DOCK7: variants seen among roughly 807,000 people sequenced by gnomAD.
DOCK7 encodes the protein dedicator of cytokinesis 7.
DOCK7 carries 138 observed loss-of-function variants against 271.0 expected under a neutral mutation model. The observed-to-expected ratio is 0.51, with a 90% CI of 0.44 to 0.59. The LOEUF is 0.59. Among genes scored for constraint, DOCK7 ranks in the 20% least tolerant of loss-of-function variants. The probability of loss-of-function intolerance (pLI) is 0.00; values close to 1 mark genes in which losing one functional copy is unlikely to be tolerated. For synonymous variants in DOCK7, 823 were observed against 876.1 expected, an observed-to-expected ratio of 0.94 and a Z score of 1.07; for missense variants, 2,066 against 2,592.4, an observed-to-expected ratio of 0.80 and a Z score of 4.41.
At position 62,529,259 on chromosome 1, in the gene DOCK7, C is replaced by G; in HGVS notation, c.3781+18G>C. The G allele has an allele frequency of 6.4e-7, 1 of 1,556,358 alleles. No homozygotes were observed. Among genetic ancestry groups the G allele is most frequent in the Non-Finnish European group, 8.7e-7 (1 of 1,154,804 alleles). ...ATTGAGCTTTGCCTTTAATATTTGC[C>G]TTAATTATACTAGGTACCTGTAAAA... On this transcript the variant is annotated intron_variant, in intron 30 of 49. Transcript: ENST00000635253.
chr1:62,597,837 G>A (rs1279707734), intron 14 of DOCK7: 2 of 1,605,026 alleles, frequency 1.2e-6, no homozygotes, highest in South Asian at 1.1e-5. Flanking sequence ...GCAAACCAGT[G>A]AAATCAAAGA....
chr1:62,513,373 G>A (rs963719408), intron 33 of DOCK7, 71 bp downstream of exon 33: 1 of 1,416,016 alleles, frequency 7.1e-7, no homozygotes, highest in Non-Finnish European at 9.4e-7. Context: ...AAAAAGCATA[G>A]GATTGACATT....
intron 1 of DOCK7, among the ~76,000 whole-genome samples, chr1:62,664,802 T>G (rs1038995029): frequency 2.7e-5 from 4 of 145,820 alleles, no homozygotes; most frequent in Non-Finnish European, 4.5e-5. Flanking sequence ...AAAAAAAAGT[T>G]AACGACAAGG....
chr1:62,557,444 T>C (rs1383512718), intron 20 of DOCK7, among the ~76,000 whole-genome samples: 1 of 151,548 alleles, frequency 6.6e-6, no homozygotes, highest in Non-Finnish European at 1.5e-5. Flanking sequence ...TCCACTCTTT[T>C]GCCCTACTCA....
intron 1 of DOCK7, among the ~76,000 whole-genome samples, chr1:62,669,115 T>C (rs769625453): frequency 6.6e-6 from 1 of 152,192 alleles, no homozygotes; most frequent in Admixed American, 6.5e-5. Context: ...CTCCTCCCTA[T>C]ACTTTCAAAG....
At position 62,513,732 on chromosome 1, in the gene DOCK7, G is replaced by T; in HGVS notation, c.4103C>A (p.Ser1368Tyr). 1.2e-6 allele frequency: 2 copies of T among 1,613,974 alleles called. No individual in the cohort carries two copies. Among genetic ancestry groups the T allele is most frequent in the Non-Finnish European group, 1.7e-6 (2 of 1,179,968 alleles). ...ACCACTTACTTTATACTCAAAGCAA[G>T]ACACACAGAGATAAAGCAGATCTAA... ...RLLDLLYLCV[S>Y]CFEYKGKKVF... The change falls in exon 32 of 50, where the codon TCT (serine) becomes TAT (tyrosine). Residue 1368 changes from serine (S) to tyrosine (Y), a missense_variant. Transcript: ENST00000635253.
At chr1:62,663,584 A>C (rs911072740) in intron 1 of DOCK7, among the ~76,000 whole-genome samples, 2 of 152,216 alleles carry the variant, frequency 1.3e-5, no homozygotes, top group Non-Finnish European at 2.9e-5. Context: ...CAAGCTAATG[A>C]TTTAATTCAG....
At chr1:62,672,042 GA>G (rs1358149335) in intron 1 of DOCK7, among the ~76,000 whole-genome samples, 3 of 150,544 alleles carry the variant, frequency 2.0e-5, no homozygotes, top group Non-Finnish European at 4.4e-5. Flanking sequence ...AACTTAGGAA[GA>G]AAAAATTTCA....
chr1:62,586,842 A>T (rs892986731), intron 14 of DOCK7, among the ~76,000 whole-genome samples: 1 of 152,170 alleles, frequency 6.6e-6, no homozygotes, highest in African/African-American at 2.4e-5. Flanking sequence ...ATAAATTGAG[A>T]TTCAGAAAAG....
chr1:62,542,757 A>T, intron 24 of DOCK7, 54 bp from the exon 25 acceptor site: 1 of 1,505,718 alleles, frequency 6.6e-7, no homozygotes, highest in Non-Finnish European at 9.2e-7. Flanking sequence ...CTGATAACAT[A>T]AACCAAATCA....
chr1:62,506,511 C>T (rs1646941084), intron 35 of DOCK7, among the ~76,000 whole-genome samples: 1 of 151,786 alleles, frequency 6.6e-6, no homozygotes, highest in Non-Finnish European at 1.5e-5. Flanking sequence ...CACTCTGTCA[C>T]CCAGGCTGAA....
Position 62,513,861 on chromosome 1 carries a change from C to T in DOCK7, c.3974G>A (p.Ser1325Asn). The T allele has an allele frequency of 2.5e-6, 4 of 1,613,954 alleles. No individual in the cohort carries two copies. The highest frequency in any genetic ancestry group is 3.4e-6 in the Non-Finnish European group (4 of 1,179,930). The change falls in exon 32 of 50, where the codon AGT (serine) becomes AAT (asparagine). Residue 1325 changes from serine to asparagine, a missense_variant. Ser to Asn is a conservative substitution (Grantham distance 46, BLOSUM62 1). This residue lies in a region of DOCK7 where 1,414 missense variants were observed against 1,670.4 expected (regional missense o/e 0.85). Coordinates refer to ENST00000635253, the MANE Select transcript of DOCK7 (RefSeq NM_001367561.1). ...RQHTTFSAESSRSLLICLLWV... is the reference protein window; with the variant it reads ...RQHTTFSAESNRSLLICLLWV... Reference sequence around the variant, plus strand: ...AAGTAGACAGATCAAAAGGCTTCGACTTGATTCTGCTGAAAAGGTAGTGTG... The same window carrying T: ...AAGTAGACAGATCAAAAGGCTTCGATTTGATTCTGCTGAAAAGGTAGTGTG...
At chr1:62,598,570 G>C in intron 14 of DOCK7, 1 of 667,242 alleles carries the variant, frequency 1.5e-6, no homozygotes, top group South Asian at 1.7e-5. Flanking sequence ...CAAGGGGAAG[G>C]AATTGCCAAT....
At chr1:62,631,470 A>G (rs1164199796) in intron 10 of DOCK7, 65 bp from the exon 11 acceptor site, 1 of 1,360,324 alleles carries the variant, frequency 7.4e-7, no homozygotes, top group Non-Finnish European at 9.9e-7. Context: ...AGGCTATTTC[A>G]TACTACATAA....
In DOCK7 at chr1:62,570,976, A is replaced by G. The variant is rs184506057; in HGVS notation, c.2112+6286T>C. On this transcript the variant is annotated intron_variant, in intron 18 of 49. Coordinates refer to ENST00000635253, the MANE Select transcript of DOCK7 (RefSeq NM_001367561.1). The stretch of plus-strand genomic sequence containing the variant: ...CCTAGAAGAAAATCTAGGCAACACC[A>G]TTCAGGACACAGGCACAAGCAAAGA... Among the ~76,000 whole-genome samples, 484 of 152,328 alleles carry G rather than the reference A, an allele frequency of 3.2e-3. 4 individuals carry two copies. Among genetic ancestry groups the G allele is most frequent in the African/African-American group, 0.011 (469 of 41,570 alleles).
rs1001678386 is a variant in DOCK7 at position 62,505,676 on chromosome 1, A to T, written c.4611+6T>A. 1 of 1,602,048 alleles carries T rather than the reference A, an allele frequency of 6.2e-7. No homozygotes were observed. The highest frequency in any genetic ancestry group is 1.3e-5 in the African/African-American group (1 of 74,272). ...CTGACAACACTGCAGGTACAAAATA[A>T]CCTACCTTTGAAACCAAGGCTCTCT... On this transcript the variant is annotated splice_donor_region_variant and intron_variant, in intron 36 of 49. Coordinates refer to ENST00000635253, the MANE Select transcript of DOCK7 (RefSeq NM_001367561.1).
At chr1:62,474,220 T>C (rs1645909259) in intron 47 of DOCK7, 132 bp from the exon 48 acceptor site, 1 of 624,624 alleles carries the variant, frequency 1.6e-6, no homozygotes. Context: ...CCTATGCCTA[T>C]ATTAAAACTC....
intron 22 of DOCK7, among the ~76,000 whole-genome samples, chr1:62,547,898 A>C (rs1645763225): frequency 6.6e-6 from 1 of 152,182 alleles, no homozygotes. Flanking sequence ...ATAAAATATA[A>C]CCAAAACTTT....
chr1:62,478,958 C>T (rs1646041299), intron 43 of DOCK7: 1 of 152,000 alleles, frequency 6.6e-6, no homozygotes, highest in African/African-American at 2.4e-5. Context: ...TATTTGGACA[C>T]TTTCTATGCA....
Sources: allele counts gnomAD v4.1 joint callset (sites outside exome capture counted in the v4.1 genomes callset), GRCh38; gene constraint gnomAD v4.1.1; regional missense constraint gnomAD v4.1.1; transcripts MANE v1.5; gene names NCBI Gene and HGNC (gene_info 2026-07-23, HGNC 2026-07-21).